Variants in CST11 observed in about 807,000 individuals in gnomAD.
The protein encoded by CST11 is cystatin 11, also known as cystatin-11.
Under a neutral mutation model 14.0 loss-of-function variants are expected in CST11, and 13 were observed. That is an observed-to-expected ratio of 0.93 (90% CI 0.60 to 1.47). The LOEUF (loss-of-function observed/expected upper bound fraction) is 1.47. CST11 is among the 40% of genes most tolerant of loss of function. The probability of loss-of-function intolerance (pLI) is 0.00; values close to 1 mark genes in which losing one functional copy is unlikely to be tolerated. For synonymous variants in CST11, 64 were observed against 57.8 expected (o/e 1.11, Z -0.48); for missense variants, 181 against 160.0 (o/e 1.13, Z -0.71).
intron 1 of CST11, 36 bp downstream of exon 1, chr20:23,452,548 T>C: frequency 7.3e-7 from 1 of 1,375,594 alleles, no homozygotes; most frequent in South Asian, 1.2e-5. Context: ...TGTGGGCGTA[T>C]CAGGCCTGGG....
intron 1 of CST11, 85 bp downstream of exon 1, chr20:23,452,499 C>T (rs1372783114): frequency 2.4e-6 from 2 of 843,754 alleles, no homozygotes; most frequent in Non-Finnish European, 4.1e-6. Context: ...GTTGAATTTC[C>T]CTTGAGTGGG....
rs1040996969 is a variant in CST11, at chr20:23,452,652, GGTCGGTGATCCACTGCAAGCT to G, written c.139_159del (p.Ser47_Asp53del). On this transcript the variant is annotated inframe_deletion, in exon 1 of 3. Coordinates refer to ENST00000377009, the MANE Select transcript of CST11 (RefSeq NM_130794.2). ...TTGTCATCACTTTCCTTGTTATACTGGTCGGTGATCCACTGCAAGCTGTCCTTCGCATAGTTTTCTACTGCC... is the reference window on the plus strand; with the variant it reads ...TTGTCATCACTTTCCTTGTTATACTGGTCCTTCGCATAGTTTTCTACTGCC... 2 of 1,613,918 alleles carry G rather than the reference GGTCGGTGATCCACTGCAAGCT, an allele frequency of 1.2e-6. No individual in the cohort carries two copies. Among genetic ancestry groups the G allele is most frequent in the African/African-American group, 2.7e-5 (2 of 74,904 alleles).
intron 1 of CST11, 72 bp downstream of exon 1, chr20:23,452,512 T>G: frequency 1.1e-6 from 1 of 924,926 alleles, no homozygotes; most frequent in South Asian, 1.3e-5. Context: ...TGAGTGGGAC[T>G]ATTCCTGACA....
chr20:23,450,940 C>A (rs921191837), intron 2 of CST11, among the ~76,000 whole-genome samples: 15 of 151,952 alleles, frequency 9.9e-5, no homozygotes, highest in African/African-American at 3.6e-4. Context: ...ATTCATCCAC[C>A]CATTCTTCCA....
In CST11 at chr20:23,452,771, GC is replaced by G; in HGVS notation, c.40del (p.Ala14ProfsTer4). ...GAGGGCCATCAGAGTCAATAGAATG[GC>G]CAACAGGAGCTGTAGGGCCTGCCAG... ...EPWQALQLLL[A>X]ILLTLMALPY... On this transcript the variant is annotated frameshift_variant, in exon 1 of 3. Coordinates refer to ENST00000377009, the MANE Select transcript of CST11 (RefSeq NM_130794.2). LOFTEE classifies it high-confidence loss of function. 1 of 1,614,134 alleles carries G rather than the reference GC, an allele frequency of 6.2e-7. No homozygotes were observed. Among genetic ancestry groups the G allele is most frequent in the Non-Finnish European group, 8.5e-7 (1 of 1,180,010 alleles).
Position 23,450,469 on chromosome 20 carries a change from T to C in CST11, c.*37A>G. 1 of 1,383,504 alleles carries C rather than the reference T, an allele frequency of 7.2e-7. No individual in the cohort carries two copies. The highest frequency in any genetic ancestry group is 1.0e-6 in the Non-Finnish European group (1 of 993,438). 85.7% of individuals were successfully genotyped at this position (1,383,504 alleles called of 1,614,324 possible). ...GATTATTGCCCATTGCAGGATTCTC[T>C]CACATGCAGTGGCCGCAGTTGTACA... On this transcript the variant is annotated 3_prime_UTR_variant, in exon 3 of 3. Transcript: ENST00000377009.
In CST11 at chr20:23,450,505, C is replaced by A; in HGVS notation, c.*1G>T. ...GGCCGCAGTTGTACACTCCAGGACA[C>A]CTAGTCACTGCTGCAGCTTTTGTTC... On this transcript the variant is annotated 3_prime_UTR_variant, in exon 3 of 3. Coordinates refer to ENST00000377009, the MANE Select transcript of CST11 (RefSeq NM_130794.2). The A allele has an allele frequency of 1.2e-6, 2 of 1,608,834 alleles. No homozygotes were observed. Among genetic ancestry groups the A allele is most frequent in the South Asian group, 1.1e-5 (1 of 90,660 alleles).
chr20:23,451,893 TCAGGTGATACTC>T lies in CST11; in HGVS notation c.244_255del (p.Glu82_Leu85del), dbSNP rs1366113088. Reference sequence around the variant, plus strand: ...CAGGTGGTCCACTGCATTTCCACATTCAGGTGATACTCCAGGTGGTCAGTGACCTGTGGGCGC... The same window carrying T: ...CAGGTGGTCCACTGCATTTCCACATTCAGGTGGTCAGTGACCTGTGGGCGC... On this transcript the variant is annotated inframe_deletion, in exon 2 of 3. Coordinates refer to ENST00000377009, the MANE Select transcript of CST11 (RefSeq NM_130794.2). The T allele has an allele frequency of 6.2e-7, 1 of 1,613,942 alleles. No homozygotes were observed. The highest frequency in any genetic ancestry group is 8.5e-7 in the Non-Finnish European group (1 of 1,179,894).
At chr20:23,452,057 T>C in intron 1 of CST11, 137 bp from the exon 2 acceptor site, 1 of 593,100 alleles carries the variant, frequency 1.7e-6, no homozygotes, top group Non-Finnish European at 3.0e-6. Context: ...TCCTCTCTCC[T>C]CTATTTGACT....
intron 1 of CST11, 24 bp downstream of exon 1, chr20:23,452,560 A>G (rs527464507): frequency 1.4e-6 from 2 of 1,462,618 alleles, no homozygotes; most frequent in South Asian, 1.1e-5. Context: ...AGGCCTGGGG[A>G]GAGGCGGGAA....
intron 2 of CST11, among the ~76,000 whole-genome samples, chr20:23,451,382 C>T (rs953971446): frequency 6.6e-6 from 1 of 152,188 alleles, no homozygotes; most frequent in African/African-American, 2.4e-5. Flanking sequence ...AACTTGTTTC[C>T]TCACCTCCTC....
At chr20:23,452,536 G>A (rs181365648) in intron 1 of CST11, 48 bp downstream of exon 1, 6 of 1,228,784 alleles carry the variant, frequency 4.9e-6, no homozygotes, top group African/African-American at 3.0e-5. Context: ...GTGGCCACCC[G>A]ATGTGGGCGT....
At chr20:23,452,503 G>C (rs1987120234) in intron 1 of CST11, 81 bp downstream of exon 1, 2 of 860,628 alleles carry the variant, frequency 2.3e-6, no homozygotes, top group African/African-American at 3.3e-5. Flanking sequence ...AATTTCCCTT[G>C]AGTGGGACTA....
intron 2 of CST11, 143 bp downstream of exon 2, chr20:23,451,673 C>A: frequency 1.7e-6 from 1 of 577,042 alleles, no homozygotes; most frequent in South Asian, 2.1e-5. Context: ...CTTTCCCTCT[C>A]TGAGGAAGGA....
In CST11 at chr20:23,452,671, G is replaced by A; in HGVS notation, c.141C>T (p.Ser47=). ...TATACTGGTCGGTGATCCACTGCAAGCTGTCCTTCGCATAGTTTTCTACTG... is the reference window on the plus strand; with the variant it reads ...TATACTGGTCGGTGATCCACTGCAAACTGTCCTTCGCATAGTTTTCTACTG... The part of the protein sequence containing the change: ...VMAVENYAKD[S]LQWITDQYNK... The change falls in exon 1 of 3, where the codon AGC becomes AGT. Residue 47 remains serine (S), a synonymous_variant. Transcript: ENST00000377009. The A allele has an allele frequency of 1.9e-6, 3 of 1,613,996 alleles. No individual in the cohort carries two copies. The highest frequency in any genetic ancestry group is 2.5e-6 in the Non-Finnish European group (3 of 1,179,850).
In CST11 at chr20:23,452,776, C is replaced by T; in HGVS notation, c.36G>A (p.Leu12=). The T allele has an allele frequency of 6.2e-7, 1 of 1,614,166 alleles. No homozygotes were observed. Among genetic ancestry groups the T allele is most frequent in the Non-Finnish European group, 8.5e-7 (1 of 1,180,020 alleles). Residue 12 remains leucine (L), a synonymous_variant, in exon 1 of 3, where the codon CTG becomes CTA. Coordinates refer to ENST00000377009, the MANE Select transcript of CST11 (RefSeq NM_130794.2). Reference sequence around the variant, plus strand: ...CCATCAGAGTCAATAGAATGGCCAACAGGAGCTGTAGGGCCTGCCAGGGCT... The same window carrying T: ...CCATCAGAGTCAATAGAATGGCCAATAGGAGCTGTAGGGCCTGCCAGGGCT... The part of the protein sequence containing the change: ...MAEPWQALQL[L]LAILLTLMAL...
At chr20:23,452,509 G>A in intron 1 of CST11, 75 bp downstream of exon 1, 1 of 894,788 alleles carries the variant, frequency 1.1e-6, no homozygotes, top group East Asian at 2.4e-5. Context: ...CCTTGAGTGG[G>A]ACTATTCCTG....
At chr20:23,450,684 C>T in intron 2 of CST11, 95 bp from the exon 3 acceptor site, 1 of 786,356 alleles carries the variant, frequency 1.3e-6, no homozygotes, top group South Asian at 1.8e-5. Context: ...GGAGAAAAGG[C>T]TACCACCTCT....
In CST11 at chr20:23,450,461, G is replaced by A. The variant is rs1216273119; in HGVS notation, c.*45C>T. On this transcript the variant is annotated 3_prime_UTR_variant, in exon 3 of 3. Coordinates refer to ENST00000377009, the MANE Select transcript of CST11 (RefSeq NM_130794.2). ...ATATTAAGGATTATTGCCCATTGCA[G>A]GATTCTCTCACATGCAGTGGCCGCA... 2.4e-6 allele frequency: 3 copies of A among 1,264,074 alleles called. No homozygotes were observed. The highest frequency in any genetic ancestry group is 3.0e-5 in the African/African-American group (2 of 67,622). 78.3% of individuals were successfully genotyped at this position (1,264,074 alleles called of 1,614,324 possible). A position where few individuals can be genotyped will look rare whatever the true frequency, so the allele number is the denominator to read the frequency against.
Sources: gnomAD v4.1 joint callset for allele counts (sites outside exome capture counted in the v4.1 genomes callset) on GRCh38, gnomAD v4.1.1 for gene constraint, MANE v1.5 for transcripts, NCBI Gene and HGNC (gene_info 2026-07-23, HGNC 2026-07-21) for gene names.